PCDHGA5: variants seen among roughly 807,000 people sequenced by gnomAD.
PCDHGA5 encodes the protein protocadherin gamma subfamily A, 5.
Under a neutral mutation model 56.7 loss-of-function variants are expected in PCDHGA5, and 36 were observed. That is an observed-to-expected ratio of 0.64 (90% CI 0.49 to 0.84). The LOEUF is 0.84. Ranked by LOEUF, PCDHGA5 falls within the 40% of genes least tolerant of loss-of-function variation. The probability of loss-of-function intolerance (pLI) is 0.00; values close to 1 mark genes in which losing one functional copy is unlikely to be tolerated. For missense variants in PCDHGA5, 1,305 were observed against 1,201.5 expected (o/e 1.09, Z -1.27); for synonymous variants, 563 against 520.2 (o/e 1.08, Z -1.12).
chr5:141,428,251 T>G, intron 1 of PCDHGA5: 2 of 893,496 alleles, frequency 2.2e-6, no homozygotes, highest in Non-Finnish European at 3.6e-6. Context: ...ACTGCCAGAC[T>G]TCAGTGACAG....
In PCDHGA5 at chr5:141,365,996, AACG is replaced by A. The variant is rs1588620860; in HGVS notation, c.1669_1671del (p.Asp557del). ...GCTGAGCCTGTTTGTGCTGGACCAGAACGACAATACGCCTGAGATCCTGTACCC... is the reference window on the plus strand; with the variant it reads ...GCTGAGCCTGTTTGTGCTGGACCAGAACAATACGCCTGAGATCCTGTACCC... On this transcript the variant is annotated inframe_deletion, in exon 1 of 4. Transcript: ENST00000518069. 4 of 1,614,192 alleles carry A rather than the reference AACG, an allele frequency of 2.5e-6. No individual in the cohort carries two copies. The highest frequency in any genetic ancestry group is 3.4e-6 in the Non-Finnish European group (4 of 1,180,034).
chr5:141,483,648 TTGTGTGTGTGTGTG>T (rs111458813), intron 1 of PCDHGA5, among the ~76,000 whole-genome samples: 1 of 149,592 alleles, frequency 6.7e-6, no homozygotes, highest in Non-Finnish European at 1.5e-5. Flanking sequence ...GGGTGTGTGT[TTGTGTGTGTGTGTG>T]TGTGTGTAAA....
intron 1 of PCDHGA5, among the ~76,000 whole-genome samples, chr5:141,454,195 T>C (rs1295815862): frequency 6.6e-6 from 1 of 152,136 alleles, no homozygotes; most frequent in Admixed American, 6.6e-5. Context: ...TTAGTGAAGG[T>C]GAATTTATTG....
rs57426385 is a variant in PCDHGA5 at position 141,415,740 on chromosome 5, G to GTTTTT, written c.2421+49017_2421+49021dup. 865 of 624,308 alleles carry GTTTTT rather than the reference G, an allele frequency of 1.4e-3. 3 individuals carry two copies. Among genetic ancestry groups the GTTTTT allele is most frequent in the South Asian group, 2.2e-3 (75 of 34,868 alleles). The allele number at this position is 624,308 out of a possible 1,614,324, so 38.7% of individuals were successfully genotyped here. A position where few individuals can be genotyped will look rare whatever the true frequency, so the allele number is the denominator to read the frequency against. ...TGAGTAGAATTTGATGTTTATTAAG[G>GTTTTT]TTTTTTTTTTTTTTTTTTTTTTTTT... is the stretch of plus-strand genomic sequence containing the variant. On this transcript the variant is annotated intron_variant, in intron 1 of 3. Transcript: ENST00000518069.
At chr5:141,371,075 G>A in intron 1 of PCDHGA5, 1 of 1,613,904 alleles carries the variant, frequency 6.2e-7, no homozygotes, top group Non-Finnish European at 8.5e-7. Context: ...GTACCACCCA[G>A]ATCAGGGTAA....
intron 1 of PCDHGA5, chr5:141,393,578 G>T: frequency 6.2e-7 from 1 of 1,613,930 alleles, no homozygotes; most frequent in Non-Finnish European, 8.5e-7. Context: ...TTGAGAACAT[G>T]CCCCCAGGCA....
intron 1 of PCDHGA5, among the ~76,000 whole-genome samples, chr5:141,460,307 C>A (rs1025049001): frequency 6.6e-6 from 1 of 152,102 alleles, no homozygotes; most frequent in African/African-American, 2.4e-5. Context: ...TATTCAAAAA[C>A]TCCTTGCCTA....
Position 141,405,346 on chromosome 5 carries a change from G to T in PCDHGA5, c.2421+38595G>T, listed in dbSNP as rs184640789. 60 of 1,614,108 alleles carry T rather than the reference G, an allele frequency of 3.7e-5. No individual in the cohort carries two copies. The East Asian group carries it at 1.3e-3, about 35-fold the overall frequency. The stretch of plus-strand genomic sequence containing the variant: ...CTTTGTGCGTCTCTGTTGATTCCAA[G>T]TTTCCTATAGAAGACACCCCTTTGG... On this transcript the variant is annotated intron_variant, in intron 1 of 3. Transcript: ENST00000518069.
intron 1 of PCDHGA5, chr5:141,419,707 C>G (rs781629810): frequency 6.2e-7 from 1 of 1,613,180 alleles, no homozygotes. Flanking sequence ...AGCCCGGGCT[C>G]TTCAGCCTGG....
At chr5:141,488,260 G>A (rs1297588710) in intron 1 of PCDHGA5, among the ~76,000 whole-genome samples, 2 of 152,182 alleles carry the variant, frequency 1.3e-5, no homozygotes, top group Non-Finnish European at 1.5e-5. Context: ...AGGTTGGGGC[G>A]GGTTGGTCAT....
chr5:141,365,637 G>A lies in PCDHGA5; in HGVS notation c.1307G>A (p.Ser436Asn). The part of the protein sequence containing the change: ...DHGTPPLSTE[S>N]HIPLKVADVN... ...GGAACCCCGCCCCTCTCTACAGAAA[G>A]CCACATCCCCTTGAAAGTAGCAGAC... The change falls in exon 1 of 4, where the codon AGC (serine) becomes AAC (asparagine). Residue 436 changes from serine (S) to asparagine (N), a missense_variant. Physicochemically the swap from Ser to Asn is conservative, Grantham distance 46. Coordinates refer to ENST00000518069, the MANE Select transcript of PCDHGA5 (RefSeq NM_018918.3). The A allele has an allele frequency of 6.2e-7, 1 of 1,613,458 alleles. No homozygotes were observed.
At position 141,489,378 on chromosome 5, in the gene PCDHGA5, G is replaced by A. The variant is rs1562129701; in HGVS notation, c.2422-5429G>A. ...AGTCTGAGCCGGGGACGCTGGTGGGGAATGTTGCTCAGGATCTGGGCTTAA... is the reference window on the plus strand; with the variant it reads ...AGTCTGAGCCGGGGACGCTGGTGGGAAATGTTGCTCAGGATCTGGGCTTAA... On this transcript the variant is annotated intron_variant, in intron 1 of 3. Coordinates refer to ENST00000518069, the MANE Select transcript of PCDHGA5 (RefSeq NM_018918.3). The surrounding 1 kb of genome is among the most constrained non-coding windows in gnomAD (Gnocchi z 4.5). 1.2e-6 allele frequency: 2 copies of A among 1,613,908 alleles called. No homozygotes were observed. The highest frequency in any genetic ancestry group is 3.3e-5 in the Admixed American group (2 of 60,026).
rs918375556 is a variant in PCDHGA5, at chr5:141,489,318, G to C, written c.2422-5489G>C. 6.3e-7 allele frequency: 1 copy of C among 1,598,974 alleles called. No individual in the cohort carries two copies. Among genetic ancestry groups the C allele is most frequent in the African/African-American group, 1.3e-5 (1 of 74,510 alleles). On this transcript the variant is annotated intron_variant, in intron 1 of 3. Coordinates refer to ENST00000518069, the MANE Select transcript of PCDHGA5 (RefSeq NM_018918.3). The surrounding 1 kb of genome is among the most constrained non-coding windows in gnomAD (Gnocchi z 4.5). ...TGTTGTCCTTGTGCTGCTGGGGCTG[G>C]GTGTCTGGGCAGCTTCGTTACTCAG...
chr5:141,485,003 A>G lies in PCDHGA5; in HGVS notation c.2422-9804A>G. On this transcript the variant is annotated intron_variant, in intron 1 of 3. Coordinates refer to ENST00000518069, the MANE Select transcript of PCDHGA5 (RefSeq NM_018918.3). The surrounding 1 kb of genome is among the most constrained non-coding windows in gnomAD (Gnocchi z 5.7). ...CAATCGGGTGGTGAAAGGCAGACAA[A>G]TCTACCCCGCCACCAGCAAAAACGG... 1 of 620,758 alleles carries G rather than the reference A, an allele frequency of 1.6e-6. No homozygotes were observed. The highest frequency in any genetic ancestry group is 2.0e-5 in the South Asian group (1 of 50,492). The allele number at this position is 620,758 out of a possible 1,614,324, so 38.5% of individuals were successfully genotyped here.
At chr5:141,484,876 A>C in intron 1 of PCDHGA5, 1 of 315,240 alleles carries the variant, frequency 3.2e-6, no homozygotes, top group Non-Finnish European at 5.8e-6. Flanking sequence ...CGTGGAGGAT[A>C]GGGTGGGCTT....
intron 1 of PCDHGA5, chr5:141,372,764 T>C: frequency 6.2e-7 from 1 of 1,612,408 alleles, no homozygotes; most frequent in Non-Finnish European, 8.5e-7. Context: ...GGTTTGAAAG[T>C]AATGACAATC....
chr5:141,388,789 T>A (rs2091491529), intron 1 of PCDHGA5: 1 of 1,613,948 alleles, frequency 6.2e-7, no homozygotes, highest in Non-Finnish European at 8.5e-7. Context: ...ATTACTGTTT[T>A]AAATACATTA....
chr5:141,414,938 C>G (rs1407853248), intron 1 of PCDHGA5: 1 of 1,614,116 alleles, frequency 6.2e-7, no homozygotes, highest in Admixed American at 1.7e-5. Flanking sequence ...TCCGCAGAGC[C>G]CGGCTACCTG....
At chr5:141,387,369 G>A (rs2090919487) in intron 1 of PCDHGA5, among the ~76,000 whole-genome samples, 1 of 152,148 alleles carries the variant, frequency 6.6e-6, no homozygotes, top group African/African-American at 2.4e-5. Context: ...CTGTGTTATG[G>A]CTATCTTTAT....
Sources: gnomAD v4.1 joint callset for allele counts (sites outside exome capture counted in the v4.1 genomes callset) on GRCh38, gnomAD v4.1.1 for gene constraint, Gnocchi (gnomAD v3.1) non-coding constraint, MANE v1.5 for transcripts, NCBI Gene and HGNC (gene_info 2026-07-23, HGNC 2026-07-21) for gene names.